Variants in CPEB3 observed in about 807,000 individuals in gnomAD.
CPEB3 encodes the protein cytoplasmic polyadenylation element-binding protein 3.
Under a neutral mutation model 67.2 loss-of-function variants are expected in CPEB3, and 20 were observed. The observed-to-expected ratio is 0.30, with a 90% CI of 0.21 to 0.43. The LOEUF is 0.43. CPEB3 is among the 20% of genes least tolerant of loss of function. The pLI, the probability that CPEB3 is intolerant of heterozygous loss-of-function variation, is 1.00. For missense variants in CPEB3, 746 were observed against 968.6 expected (o/e 0.77, Z 3.05); for synonymous variants, 376 against 393.1 (o/e 0.96, Z 0.51).
At chr10:92,247,143 C>G (rs963650220) in intron 1 of CPEB3, among the ~76,000 whole-genome samples, 11 of 152,060 alleles carry the variant, frequency 7.2e-5, no homozygotes, top group African/African-American at 2.7e-4. Context: ...ATCAGAGAAC[C>G]CTCCACAAGA....
chr10:92,280,588 G>A (rs772925074), intron 1 of CPEB3, among the ~76,000 whole-genome samples: 1 of 148,868 alleles, frequency 6.7e-6, no homozygotes, highest in Non-Finnish European at 1.5e-5. Context: ...CAAGCATGGC[G>A]GTACATGCCC....
chr10:92,125,455 T>C (rs1454175661), intron 6 of CPEB3, among the ~76,000 whole-genome samples: 1 of 152,228 alleles, frequency 6.6e-6, no homozygotes, highest in Admixed American at 6.5e-5. Context: ...GCACAGCAGA[T>C]GCCAGCTCCT....
At chr10:92,187,631 T>G (rs559374387) in intron 3 of CPEB3, among the ~76,000 whole-genome samples, 1 of 152,324 alleles carries the variant, frequency 6.6e-6, no homozygotes, top group East Asian at 1.9e-4. Flanking sequence ...AAACCTGACC[T>G]GACGACCATG....
At chr10:92,087,985 G>T (rs1368673101) in intron 8 of CPEB3, among the ~76,000 whole-genome samples, 1 of 152,136 alleles carries the variant, frequency 6.6e-6, no homozygotes, top group African/African-American at 2.4e-5. Flanking sequence ...GGTGAGGTGG[G>T]GAGTAGAAAG....
chr10:92,230,201 T>C (rs898253675), intron 2 of CPEB3, among the ~76,000 whole-genome samples: 7 of 152,228 alleles, frequency 4.6e-5, no homozygotes, highest in African/African-American at 1.4e-4. Context: ...CAGGCACTGA[T>C]TTATTTCATG....
intron 9 of CPEB3, 110 bp downstream of exon 9, chr10:92,081,210 T>C: frequency 1.8e-6 from 2 of 1,141,516 alleles, no homozygotes; most frequent in South Asian, 1.3e-5. Flanking sequence ...ACTAATGCCA[T>C]GCAAGGTAGA....
chr10:92,087,681 T>C (rs968227734), intron 8 of CPEB3, among the ~76,000 whole-genome samples: 23 of 152,176 alleles, frequency 1.5e-4, no homozygotes, highest in African/African-American at 5.3e-4. Context: ...CACTCTCTAC[T>C]TTTTCCTGGT....
At chr10:92,119,014 C>A in intron 6 of CPEB3, 5 of 1,546,622 alleles carry the variant, frequency 3.2e-6, no homozygotes, top group Non-Finnish European at 3.6e-6. Context: ...AGTTTGCACT[C>A]GTCTTCCCTC....
chr10:92,125,588 C>T (rs993351817), intron 6 of CPEB3, among the ~76,000 whole-genome samples: 2 of 152,120 alleles, frequency 1.3e-5, no homozygotes, highest in African/African-American at 4.8e-5. Context: ...TTGGTAGCTC[C>T]AGTGACAGCA....
intron 9 of CPEB3, among the ~76,000 whole-genome samples, chr10:92,058,353 C>G (rs998904625): frequency 4.6e-5 from 7 of 152,084 alleles, no homozygotes; most frequent in Non-Finnish European, 1.0e-4. Context: ...TGAGACTAGC[C>G]TGGCCAACAT....
Position 92,048,362 on chromosome 10 carries a change from T to C in CPEB3, c.*3850A>G, listed in dbSNP as rs11186810. ...CAAGGACAGCAGTTGGTGGCAGTTT[T>C]TCTCTCTCTCTCTCTCTCTCTCTCT... On this transcript the variant is annotated 3_prime_UTR_variant, in exon 10 of 10. Transcript: ENST00000265997. The surrounding 1 kb of genome is among the most constrained non-coding windows in gnomAD (Gnocchi z 4.1). 1,766 of 126,460 alleles carry C rather than the reference T, an allele frequency of 0.014. 24 individuals are homozygous for C. The highest frequency in any genetic ancestry group is 0.078 in the South Asian group (279 of 3,572). 7.8% of individuals were successfully genotyped at this position (126,460 alleles called of 1,614,324 possible).
chr10:92,082,767 C>G (rs1467672379), intron 8 of CPEB3, among the ~76,000 whole-genome samples: 2 of 151,882 alleles, frequency 1.3e-5, no homozygotes, highest in African/African-American at 4.8e-5. Flanking sequence ...CTCAGCACTA[C>G]CCCTGGGAAG....
chr10:92,111,231 T>A, intron 6 of CPEB3, 37 bp from the exon 7 acceptor site: 1 of 1,302,226 alleles, frequency 7.7e-7, no homozygotes, highest in Non-Finnish European at 1.1e-6. Context: ...AGAGGAAGAA[T>A]CAGTACATTA....
chr10:92,216,460 C>T (rs554473153), intron 2 of CPEB3: 2 of 1,612,856 alleles, frequency 1.2e-6, no homozygotes, highest in South Asian at 2.2e-5. Flanking sequence ...CTCGCCGCCT[C>T]AAGCGGAAGC....
At chr10:92,155,726 T>C (rs1316658250) in intron 4 of CPEB3, among the ~76,000 whole-genome samples, 2 of 152,116 alleles carry the variant, frequency 1.3e-5, no homozygotes, top group African/African-American at 2.4e-5. Flanking sequence ...CCTATCAAAC[T>C]GCAGACCAAG....
At chr10:92,127,497 G>C (rs765880990) in intron 6 of CPEB3, among the ~76,000 whole-genome samples, 2 of 152,048 alleles carry the variant, frequency 1.3e-5, no homozygotes, top group African/African-American at 2.4e-5. Flanking sequence ...GCAATATGGT[G>C]AGACCCCCAT....
chr10:92,091,421 C>T (rs1465489906), intron 8 of CPEB3, among the ~76,000 whole-genome samples: 1 of 151,382 alleles, frequency 6.6e-6, no homozygotes, highest in African/African-American at 2.4e-5. Flanking sequence ...TGATTCTGCT[C>T]AAATCCAGCA....
At chr10:92,184,295 G>A (rs1848589572) in intron 3 of CPEB3, among the ~76,000 whole-genome samples, 1 of 152,112 alleles carries the variant, frequency 6.6e-6, no homozygotes, top group Admixed American at 6.6e-5. Context: ...ATGAAAGTGA[G>A]CAACAAAAGA....
At position 92,080,373 on chromosome 10, in the gene CPEB3, G is replaced by T. The variant is rs373050388; in HGVS notation, c.1869+947C>A. ...TCATGCCAATCTGCAAAACTATTAA[G>T]TACACCAACTGCCTAAAACTCTACT... On this transcript the variant is annotated intron_variant, in intron 9 of 9. Transcript: ENST00000265997. Among the ~76,000 whole-genome samples the T allele has an allele frequency of 1.7e-4, 26 of 152,214 alleles. No homozygotes were observed. The South Asian group carries it at 3.9e-3, about 23-fold the overall frequency.
Sources: allele counts gnomAD v4.1 joint callset (sites outside exome capture counted in the v4.1 genomes callset), GRCh38; gene constraint gnomAD v4.1.1; non-coding constraint Gnocchi (gnomAD v3.1); transcripts MANE v1.5; gene names NCBI Gene and HGNC (gene_info 2026-07-23, HGNC 2026-07-21).